Variants in CDH13 observed in about 807,000 individuals in gnomAD.
The protein encoded by CDH13 is cadherin 13.
In CDH13, 24 loss-of-function variants were observed where a neutral mutation model predicts 63.8. The ratio of observed to expected loss-of-function variants is 0.38; its 90% confidence interval spans 0.27 to 0.53. CDH13 has a LOEUF of 0.53. Ranked by LOEUF, CDH13 falls within the 20% of genes least tolerant of loss-of-function variation. The probability of loss-of-function intolerance (pLI) is 0.85; values close to 1 mark genes in which losing one functional copy is unlikely to be tolerated. For synonymous variants in CDH13, 503 were observed against 355.3 expected (o/e 1.42, Z -4.67); for missense variants, 1,049 against 903.1 (o/e 1.16, Z -2.07).
At chr16:83,137,938 A>T (rs977128334) in intron 4 of CDH13, among the ~76,000 whole-genome samples, 4 of 151,884 alleles carry the variant, frequency 2.6e-5, no homozygotes, top group African/African-American at 9.7e-5. Context: ...GCTTGGAGCT[A>T]GCTCTGGTTC....
At chr16:83,307,321 C>T (rs1193469751) in intron 5 of CDH13, among the ~76,000 whole-genome samples, 2 of 152,176 alleles carry the variant, frequency 1.3e-5, no homozygotes, top group African/African-American at 2.4e-5. Context: ...TTTTCCCCCT[C>T]ATTTTTTCTT....
chr16:82,681,603 T>C (rs1914553280), intron 1 of CDH13, among the ~76,000 whole-genome samples: 1 of 152,240 alleles, frequency 6.6e-6, no homozygotes, highest in South Asian at 2.1e-4. Context: ...ATCTGACACT[T>C]TCTTGCTTAA....
intron 5 of CDH13, among the ~76,000 whole-genome samples, chr16:83,270,910 T>C (rs1170635312): frequency 2.1e-5 from 3 of 139,986 alleles, no homozygotes; most frequent in Admixed American, 1.4e-4. Context: ...CTCCTTTCCT[T>C]CCTCCCTCAC....
chr16:83,631,712 G>A (rs891922635), intron 8 of CDH13, among the ~76,000 whole-genome samples: 57 of 152,100 alleles, frequency 3.7e-4, no homozygotes, highest in African/African-American at 1.3e-3. Flanking sequence ...GATGAGGGGA[G>A]CCAGCCTTGG....
chr16:82,806,270 T>A (rs1457968556), intron 1 of CDH13, among the ~76,000 whole-genome samples: 1 of 152,176 alleles, frequency 6.6e-6, no homozygotes, highest in Non-Finnish European at 1.5e-5. Context: ...TTTTTACATG[T>A]CTGCTATTTG....
intron 1 of CDH13, among the ~76,000 whole-genome samples, chr16:82,762,314 T>G (rs1041155231): frequency 3.9e-5 from 6 of 152,244 alleles, no homozygotes; most frequent in African/African-American, 1.2e-4. Flanking sequence ...TTCTAAATTG[T>G]TATCTACTAT....
chr16:83,384,998 A>T (rs1003752262), intron 6 of CDH13, among the ~76,000 whole-genome samples: 1 of 152,212 alleles, frequency 6.6e-6, no homozygotes, highest in Non-Finnish European at 1.5e-5. Flanking sequence ...CCCTCTTTCA[A>T]ACAAAGATGG....
At chr16:82,753,014 TTTTAAGATTATTGAA>T (rs2151072286) in intron 1 of CDH13, among the ~76,000 whole-genome samples, 1 of 152,374 alleles carries the variant, frequency 6.6e-6, no homozygotes, top group East Asian at 1.9e-4. Flanking sequence ...TTGCCTTTGC[TTTTAAGATTATTGAA>T]TCATGAGTGC....
At chr16:83,394,759 A>T (rs1276104593) in intron 6 of CDH13, among the ~76,000 whole-genome samples, 1 of 152,198 alleles carries the variant, frequency 6.6e-6, no homozygotes, top group Non-Finnish European at 1.5e-5. Flanking sequence ...CCAGACTGGT[A>T]GCAATGGAGG....
At chr16:83,752,670 C>T (rs2150977779) in intron 11 of CDH13, among the ~76,000 whole-genome samples, 1 of 152,328 alleles carries the variant, frequency 6.6e-6, no homozygotes, top group Admixed American at 6.5e-5. Flanking sequence ...ATTCAGCATA[C>T]ACCTGTATGA....
At chr16:83,745,139 C>A (rs1285316830) in intron 10 of CDH13, among the ~76,000 whole-genome samples, 2 of 152,174 alleles carry the variant, frequency 1.3e-5, no homozygotes, top group Non-Finnish European at 2.9e-5. Context: ...CCAGCCGGCG[C>A]AATGTAAGGC....
chr16:83,332,011 T>A (rs947066324), intron 5 of CDH13, among the ~76,000 whole-genome samples: 11 of 152,130 alleles, frequency 7.2e-5, no homozygotes, highest in Non-Finnish European at 1.6e-4. Flanking sequence ...GTTAACAAAT[T>A]GCATTTCGGA....
intron 1 of CDH13, among the ~76,000 whole-genome samples, chr16:82,673,011 T>TTTTTTC (rs72394024): frequency 1.6e-5 from 2 of 126,416 alleles, no homozygotes; most frequent in Non-Finnish European, 3.4e-5. Flanking sequence ...TTTTTTTTTT[T>TTTTTTC]TTTTTTTTGT....
chr16:82,949,131 A>G (rs548130669), intron 2 of CDH13, among the ~76,000 whole-genome samples: 1 of 152,326 alleles, frequency 6.6e-6, no homozygotes, highest in South Asian at 2.1e-4. Context: ...TGGGTGACTT[A>G]AAACAGAAAC....
intron 3 of CDH13, among the ~76,000 whole-genome samples, chr16:83,039,726 C>T (rs1472316571): frequency 6.6e-6 from 1 of 152,020 alleles, no homozygotes; most frequent in African/African-American, 2.4e-5. Flanking sequence ...GCGAGTTACC[C>T]CTCTCACACC....
chr16:83,664,566 A>G (rs1913757533), intron 8 of CDH13, among the ~76,000 whole-genome samples: 1 of 150,722 alleles, frequency 6.6e-6, no homozygotes, highest in South Asian at 2.1e-4. Flanking sequence ...ATATATATAT[A>G]TATAGTGCAC....
At chr16:82,802,671 G>C (rs2036925409) in intron 1 of CDH13, among the ~76,000 whole-genome samples, 1 of 152,192 alleles carries the variant, frequency 6.6e-6, no homozygotes, top group Non-Finnish European at 1.5e-5. Flanking sequence ...TGTTAGGAAA[G>C]AGTACACTAA....
intron 6 of CDH13, among the ~76,000 whole-genome samples, chr16:83,376,059 G>GGTGTTCCAACTGTATTGTGAAT (rs2091454874): frequency 6.6e-6 from 1 of 152,138 alleles, no homozygotes; most frequent in African/African-American, 2.4e-5. Flanking sequence ...GTATTGTGAA[G>GGTGTTCCAACTGTATTGTGAAT]AATCTTTCTT....
At chr16:83,790,880 G>A (rs554710053) in intron 13 of CDH13, among the ~76,000 whole-genome samples, 1 of 152,330 alleles carries the variant, frequency 6.6e-6, no homozygotes, top group East Asian at 1.9e-4. Context: ...AACCATTTCT[G>A]ACCATTGCTT....
Sources: allele counts gnomAD v4.1 joint callset (sites outside exome capture counted in the v4.1 genomes callset), GRCh38; gene constraint gnomAD v4.1.1; transcripts MANE v1.5; gene names NCBI Gene and HGNC (gene_info 2026-07-23, HGNC 2026-07-21).